Variants in LRP1B observed in about 807,000 individuals in gnomAD.
The protein encoded by LRP1B is low-density lipoprotein receptor-related protein 1B.
LRP1B carries 217 observed loss-of-function variants against 556.6 expected under a neutral mutation model. The ratio of observed to expected loss-of-function variants is 0.39; its 90% CI spans 0.35 to 0.44. The LOEUF (loss-of-function observed/expected upper bound fraction) is 0.44, where lower values mean the gene tolerates loss of function less well. Among genes scored for constraint, LRP1B ranks in the 20% least tolerant of loss-of-function variants. The pLI is 1.00. For missense variants in LRP1B, 5,053 were observed against 5,620.8 expected, an observed-to-expected ratio of 0.90 and a Z score of 3.23; for synonymous variants, 2,047 against 1,865.8, an observed-to-expected ratio of 1.10 and a Z score of -2.50.
intron 7 of LRP1B, among the ~76,000 whole-genome samples, chr2:141,132,845 C>A (rs1229740360): frequency 2.0e-5 from 3 of 151,736 alleles, no homozygotes; most frequent in African/African-American, 4.8e-5. Flanking sequence ...ATTTTTTAAA[C>A]CTCCTAGAAA....
At chr2:140,908,393 A>AT (rs1559188028) in intron 21 of LRP1B, among the ~76,000 whole-genome samples, 6 of 143,730 alleles carry the variant, frequency 4.2e-5, no homozygotes, top group African/African-American at 1.5e-4. Context: ...TATATATATA[A>AT]AAAGAAGGTT....
chr2:141,828,288 A>G (rs1243676308), intron 1 of LRP1B, among the ~76,000 whole-genome samples: 1 of 152,148 alleles, frequency 6.6e-6, no homozygotes, highest in East Asian at 1.9e-4. Context: ...TACCAAGGAA[A>G]CACATTTCTC....
chr2:141,957,501 C>G (rs1368090101), intron 1 of LRP1B, among the ~76,000 whole-genome samples: 1 of 151,790 alleles, frequency 6.6e-6, no homozygotes, highest in Non-Finnish European at 1.5e-5. Flanking sequence ...AACTCAGTCA[C>G]AGCTGAGAGG....
intron 2 of LRP1B, among the ~76,000 whole-genome samples, chr2:141,497,197 G>A (rs1028553814): frequency 6.6e-6 from 1 of 151,844 alleles, no homozygotes; most frequent in African/African-American, 2.4e-5. Flanking sequence ...ACTTTCATTT[G>A]TTTCCTTATT....
chr2:142,023,066 A>G (rs1208209501), intron 1 of LRP1B, among the ~76,000 whole-genome samples: 1 of 152,200 alleles, frequency 6.6e-6, no homozygotes, highest in Non-Finnish European at 1.5e-5. Context: ...CAGCTAGCAC[A>G]TCTTATCTGA....
chr2:141,182,695 G>A (rs1471775125), intron 7 of LRP1B, among the ~76,000 whole-genome samples: 1 of 151,956 alleles, frequency 6.6e-6, no homozygotes, highest in Non-Finnish European at 1.5e-5. Flanking sequence ...AAAATTTGGA[G>A]GGAAACTAAG....
chr2:140,482,592 A>T (rs866301802), intron 59 of LRP1B, among the ~76,000 whole-genome samples: 16 of 152,266 alleles, frequency 1.1e-4, no homozygotes, highest in Middle Eastern at 3.4e-3. Flanking sequence ...TAGGATTTCA[A>T]TTGGATTTAA....
chr2:140,559,043 A>G (rs1282777034), intron 43 of LRP1B, among the ~76,000 whole-genome samples: 1 of 152,152 alleles, frequency 6.6e-6, no homozygotes, highest in Non-Finnish European at 1.5e-5. Context: ...ATGATTTTTG[A>G]TAATAGTACA....
intron 17 of LRP1B, among the ~76,000 whole-genome samples, chr2:140,988,952 C>G (rs1697010410): frequency 6.6e-6 from 1 of 151,994 alleles, no homozygotes; most frequent in Non-Finnish European, 1.5e-5. Context: ...CCATTGTAAA[C>G]TATACCACAA....
At chr2:141,961,122 G>C (rs188712356) in intron 1 of LRP1B, among the ~76,000 whole-genome samples, 16 of 151,650 alleles carry the variant, frequency 1.1e-4, no homozygotes, top group Non-Finnish European at 1.6e-4. Context: ...AAATTACTTG[G>C]AGATAATTAT....
chr2:141,359,957 T>C (rs1253904179), intron 3 of LRP1B, among the ~76,000 whole-genome samples: 1 of 151,920 alleles, frequency 6.6e-6, no homozygotes, highest in Admixed American at 6.6e-5. Context: ...AAGACACAGA[T>C]ACACAAAACT....
At chr2:141,365,655 C>CTTTTTTTTTTTTTTTTTGTT (rs781538829) in intron 3 of LRP1B, among the ~76,000 whole-genome samples, 3 of 121,150 alleles carry the variant, frequency 2.5e-5, no homozygotes, top group African/African-American at 9.5e-5. Context: ...GTTTTTGTTG[C>CTTTTTTTTTTTTTTTTTGTT]TTTTTTTTTT....
intron 43 of LRP1B, among the ~76,000 whole-genome samples, chr2:140,592,160 A>G (rs1682254109): frequency 6.6e-6 from 1 of 152,168 alleles, no homozygotes; most frequent in African/African-American, 2.4e-5. Flanking sequence ...AGAACTTGGA[A>G]AAGTTATTTA....
At chr2:140,642,301 C>G (rs1019278058) in intron 41 of LRP1B, among the ~76,000 whole-genome samples, 1 of 152,200 alleles carries the variant, frequency 6.6e-6, no homozygotes, top group African/African-American at 2.4e-5. Context: ...GCTCATTCCA[C>G]CGCTACACGC....
chr2:140,838,453 T>C (rs1691989392), intron 31 of LRP1B, among the ~76,000 whole-genome samples: 1 of 152,088 alleles, frequency 6.6e-6, no homozygotes, highest in Non-Finnish European at 1.5e-5. Flanking sequence ...AAGAAGAAAA[T>C]AGCTGTTAAC....
intron 60 of LRP1B, 75 bp downstream of exon 60, chr2:140,475,063 A>C (rs1384734843): frequency 9.9e-6 from 6 of 605,678 alleles, no homozygotes; most frequent in African/African-American, 9.7e-5. Context: ...GAAAGCATAT[A>C]AAATAAATAT....
At position 140,320,121 on chromosome 2, in the gene LRP1B, G is replaced by A. The variant is rs1165610880; in HGVS notation, c.12640+1842C>T. Among the ~76,000 whole-genome samples, 3 of 152,094 alleles carry A rather than the reference G, an allele frequency of 2.0e-5. No individual in the cohort carries two copies. In the East Asian group the frequency reaches 5.8e-4, roughly 29 times the overall value. ...AATCCAATCTGCCTTTGCAGACCTT[G>A]TTTAAATGTCATATCCTATAGGAAA... On this transcript the variant is annotated intron_variant, in intron 82 of 90. Transcript: ENST00000389484.
intron 3 of LRP1B, among the ~76,000 whole-genome samples, chr2:141,329,365 G>A (rs1334142457): frequency 7.6e-6 from 1 of 131,728 alleles, no homozygotes; most frequent in Non-Finnish European, 1.6e-5. Flanking sequence ...TCCAGCCTGG[G>A]GGACAAGAGC....
intron 32 of LRP1B, among the ~76,000 whole-genome samples, chr2:140,787,474 G>A (rs1002260809): frequency 4.0e-5 from 6 of 150,718 alleles, no homozygotes; most frequent in Non-Finnish European, 5.9e-5. Context: ...TGGGTTTGTG[G>A]TCTGTGTAGA....
Sources: gnomAD v4.1 joint callset for allele counts (sites outside exome capture counted in the v4.1 genomes callset) on GRCh38, gnomAD v4.1.1 for gene constraint, MANE v1.5 for transcripts, NCBI Gene and HGNC (gene_info 2026-07-23, HGNC 2026-07-21) for gene names.